NEDD9: variants seen among roughly 807,000 people sequenced by gnomAD.
NEDD9 encodes neural precursor cell expressed, developmentally down-regulated 9.
Under a neutral mutation model 76.6 loss-of-function variants are expected in NEDD9, and 26 were observed. The ratio of observed to expected loss-of-function variants is 0.34; its 90% CI spans 0.25 to 0.47. The LOEUF (loss-of-function observed/expected upper bound fraction) is 0.47, where lower values mean the gene tolerates loss of function less well. Ranked by LOEUF, NEDD9 falls within the 20% of genes least tolerant of loss-of-function variation. The probability of loss-of-function intolerance (pLI) is 1.00; values close to 1 mark genes in which losing one functional copy is unlikely to be tolerated. For missense variants in NEDD9, 937 were observed against 1,058.5 expected (o/e 0.89, Z 1.59); for synonymous variants, 392 against 414.2 (o/e 0.95, Z 0.65).
At chr6:11,294,006 A>AGT (rs57803150) in intron 3 of NEDD9, among the ~76,000 whole-genome samples, 110,674 of 150,928 alleles carry the variant, frequency 0.73, 40,692 homozygotes, top group East Asian at 0.9. Flanking sequence ...CCATTGTGTA[A>AGT]GTGTGTGTGT....
chr6:11,308,301 C>G (rs972956803), intron 2 of NEDD9, among the ~76,000 whole-genome samples: 1 of 151,020 alleles, frequency 6.6e-6, no homozygotes, highest in African/African-American at 2.4e-5. Context: ...ATTCTAAGGT[C>G]CAACGTGGTT....
intron 3 of NEDD9, among the ~76,000 whole-genome samples, chr6:11,281,745 A>T (rs11969218): frequency 0.017 from 2,630 of 151,988 alleles, 73 homozygotes; most frequent in African/African-American, 0.058. Flanking sequence ...CTCTTTTTTT[A>T]TATATTTTTA....
At chr6:11,341,452 C>T (rs1023492988) in intron 1 of NEDD9, among the ~76,000 whole-genome samples, 8 of 152,166 alleles carry the variant, frequency 5.3e-5, no homozygotes, top group Middle Eastern at 3.2e-3. Flanking sequence ...CCTCAGTCCA[C>T]GGCTGAGGGC....
At chr6:11,215,785 G>A (rs1210006344) in intron 1 of NEDD9, among the ~76,000 whole-genome samples, 3 of 152,168 alleles carry the variant, frequency 2.0e-5, no homozygotes, top group Admixed American at 6.5e-5. Context: ...GTTGGTAGCT[G>A]TGCAATTATA....
At chr6:11,353,224 G>A (rs929956250) in intron 1 of NEDD9, among the ~76,000 whole-genome samples, 1 of 152,230 alleles carries the variant, frequency 6.6e-6, no homozygotes, top group African/African-American at 2.4e-5. Context: ...CCCCATGAAA[G>A]GGTATGTGGG....
intron 3 of NEDD9, among the ~76,000 whole-genome samples, chr6:11,291,269 T>G (rs948920276): frequency 2.5e-5 from 3 of 120,196 alleles, no homozygotes; most frequent in African/African-American, 9.1e-5. Context: ...AGAATGAGGT[T>G]TTTTTTTTTT....
rs1409656502 is a variant in NEDD9 at position 11,249,031 on chromosome 6, C to G, written c.13-35304G>C. 9.3e-6 allele frequency: 4 copies of G among 431,254 alleles called. No individual in the cohort carries two copies. In the East Asian group the frequency reaches 2.8e-4, roughly 30 times the overall value. 26.7% of individuals were successfully genotyped at this position (431,254 alleles called of 1,614,324 possible). ...GCCAGTGACTCACCAGTTTTCATCC[C>G]CATGATGGGTAATTTCATATGTCAA... On this transcript the variant is annotated intron_variant, in intron 3 of 3. Coordinates refer to the NEDD9 transcript ENST00000397378.
chr6:11,343,860 T>C (rs567948804), intron 1 of NEDD9, among the ~76,000 whole-genome samples: 48 of 152,300 alleles, frequency 3.2e-4, no homozygotes, highest in African/African-American at 1.1e-3. Flanking sequence ...GTATTAAACA[T>C]AGACTAAATA....
intron 3 of NEDD9, among the ~76,000 whole-genome samples, chr6:11,254,732 T>G (rs1355247636): frequency 2.6e-5 from 4 of 152,200 alleles, no homozygotes; most frequent in Non-Finnish European, 5.9e-5. Context: ...TACTGCTAAT[T>G]AGAAAACTCT....
At chr6:11,321,157 G>C (rs1226292409) in intron 2 of NEDD9, among the ~76,000 whole-genome samples, 1 of 98,290 alleles carries the variant, frequency 1.0e-5, no homozygotes, top group Non-Finnish European at 2.1e-5. Context: ...CAGAAGGAAG[G>C]AGGGAGGGAA....
chr6:11,265,517 T>G (rs1760185188), intron 3 of NEDD9, among the ~76,000 whole-genome samples: 1 of 152,256 alleles, frequency 6.6e-6, no homozygotes, highest in Non-Finnish European at 1.5e-5. Context: ...GAAAGAACAA[T>G]TGGATCAATT....
chr6:11,259,082 C>A (rs926827999), intron 3 of NEDD9: 1 of 152,206 alleles, frequency 6.6e-6, no homozygotes, highest in East Asian at 1.9e-4. Flanking sequence ...GTGAGGTGTC[C>A]TTTCCTCTCC....
chr6:11,362,243 C>T (rs1265107635), intron 1 of NEDD9, among the ~76,000 whole-genome samples: 4 of 152,164 alleles, frequency 2.6e-5, no homozygotes, highest in African/African-American at 9.7e-5. Flanking sequence ...AGAGGAGGGC[C>T]TCAACAGGCA....
chr6:11,297,185 T>G (rs1483396982), intron 3 of NEDD9, among the ~76,000 whole-genome samples: 1 of 152,034 alleles, frequency 6.6e-6, no homozygotes, highest in African/African-American at 2.4e-5. Flanking sequence ...CTTTATTCTT[T>G]ATTGTCTTCA....
chr6:11,346,479 C>CG (rs1762366163), intron 1 of NEDD9, among the ~76,000 whole-genome samples: 2 of 142,376 alleles, frequency 1.4e-5, no homozygotes, highest in Non-Finnish European at 3.0e-5. Flanking sequence ...GCTCGGAGGC[C>CG]CCCCCCCCCG....
At chr6:11,279,548 C>A (rs1272768097) in intron 3 of NEDD9, among the ~76,000 whole-genome samples, 1 of 152,166 alleles carries the variant, frequency 6.6e-6, no homozygotes, top group African/African-American at 2.4e-5. Context: ...TTGGAATATT[C>A]CAACAATCTG....
intron 3 of NEDD9, among the ~76,000 whole-genome samples, chr6:11,247,288 T>C (rs1759829915): frequency 1.3e-5 from 2 of 152,334 alleles, no homozygotes; most frequent in East Asian, 1.9e-4. Context: ...ATTTGTACTA[T>C]GCTCAAAGTC....
intron 2 of NEDD9, among the ~76,000 whole-genome samples, chr6:11,205,629 C>CTT (rs1013583052): frequency 6.9e-6 from 1 of 145,002 alleles, no homozygotes. Context: ...TTACATCCTA[C>CTT]TTTTTTTTTT....
At chr6:11,345,004 G>A (rs116527800) in intron 1 of NEDD9, among the ~76,000 whole-genome samples, 2,890 of 152,258 alleles carry the variant, frequency 0.019, 98 homozygotes, top group African/African-American at 0.066. Flanking sequence ...AAGGAATCTG[G>A]GGGAATTCTT....
Sources: allele counts gnomAD v4.1 joint callset (sites outside exome capture counted in the v4.1 genomes callset), GRCh38; gene constraint gnomAD v4.1.1; transcripts MANE v1.5; gene names NCBI Gene and HGNC (gene_info 2026-07-23, HGNC 2026-07-21).